The following WWOX variants were observed in gnomAD, a reference collection of about 807,000 sequenced individuals.
The protein encoded by WWOX is WW domain-containing oxidoreductase.
WWOX carries 69 observed loss-of-function variants against 46.2 expected under a neutral mutation model. That is an observed-to-expected ratio of 1.49 (90% CI 1.23 to 1.82). The LOEUF (loss-of-function observed/expected upper bound fraction) is 1.82. WWOX is among the 40% of genes most tolerant of loss of function. The probability of loss-of-function intolerance (pLI) is 0.00; values close to 1 mark genes in which losing one functional copy is unlikely to be tolerated. For missense variants in WWOX, 919 were observed against 542.6 expected, an observed-to-expected ratio of 1.69 and a Z score of -6.89; for synonymous variants, 359 against 202.6, an observed-to-expected ratio of 1.77 and a Z score of -6.56.
chr16:78,406,623 T>A (rs1009532870), intron 6 of WWOX, among the ~76,000 whole-genome samples: 8 of 145,338 alleles, frequency 5.5e-5, no homozygotes, highest in African/African-American at 2.1e-4. Context: ...TGCTGGGATA[T>A]ACATTTTTTT....
At position 78,338,437 on chromosome 16, in the gene WWOX, G is replaced by C. The variant is rs192122765; in HGVS notation, c.517-48423G>C. On this transcript the variant is annotated intron_variant, in intron 5 of 8. Transcript: ENST00000566780. ...TCTGTTTATTTTTTTTGCCCTTTTG[G>C]GGGACAAAATGTCTTTATGTTAAAT... Among the ~76,000 whole-genome samples, 67 of 120,568 alleles carry C rather than the reference G, an allele frequency of 5.6e-4. 3 individuals carry two copies. The East Asian group carries it at 0.012, about 22-fold the overall frequency. 79.1% of individuals were successfully genotyped at this position (120,568 alleles called of 152,430 possible). A position where few individuals can be genotyped will look rare whatever the true frequency, so the allele number is the denominator to read the frequency against.
chr16:78,673,190 G>C (rs1208299479), intron 8 of WWOX, among the ~76,000 whole-genome samples: 1 of 152,202 alleles, frequency 6.6e-6, no homozygotes, highest in Non-Finnish European at 1.5e-5. Context: ...TGTGAGGTGA[G>C]ATCAGTAGAA....
intron 5 of WWOX, among the ~76,000 whole-genome samples, chr16:78,384,937 C>T (rs1244120201): frequency 6.6e-6 from 1 of 152,098 alleles, no homozygotes; most frequent in Non-Finnish European, 1.5e-5. Flanking sequence ...AGATTGAGAC[C>T]ATCCTGGCCA....
chr16:78,768,758 A>T (rs1407014180), intron 8 of WWOX, among the ~76,000 whole-genome samples: 1 of 152,102 alleles, frequency 6.6e-6, no homozygotes, highest in African/African-American at 2.4e-5. Flanking sequence ...TGAAATGCTC[A>T]TTTCACAGCT....
intron 8 of WWOX, among the ~76,000 whole-genome samples, chr16:79,061,774 A>ATGTT (rs2048361621): frequency 2.0e-5 from 3 of 152,200 alleles, no homozygotes; most frequent in Non-Finnish European, 4.4e-5. Context: ...TAACAGCAAT[A>ATGTT]CTGATCATAG....
At chr16:78,593,713 T>G (rs117718959) in intron 8 of WWOX, among the ~76,000 whole-genome samples, 3,884 of 139,142 alleles carry the variant, frequency 0.028, 78 homozygotes, top group Middle Eastern at 0.074. Context: ...AGAGGAAAAC[T>G]GCCTGTTGTA....
At chr16:78,369,474 A>G (rs1337841256) in intron 5 of WWOX, among the ~76,000 whole-genome samples, 2 of 152,158 alleles carry the variant, frequency 1.3e-5, no homozygotes, top group Non-Finnish European at 2.9e-5. Flanking sequence ...GTATGCAGCA[A>G]CTGGTAGGGT....
chr16:79,020,638 G>A (rs1196166390), intron 8 of WWOX, among the ~76,000 whole-genome samples: 1 of 152,166 alleles, frequency 6.6e-6, no homozygotes, highest in East Asian at 1.9e-4. Context: ...GATGGGGAAG[G>A]GGACATTTCA....
At position 79,056,551 on chromosome 16, in the gene WWOX, TA is replaced by T. The variant is rs572714826; in HGVS notation, c.1057-155055del. 4.5e-3 allele frequency among the ~76,000 whole-genome samples: 678 copies of T among 152,340 alleles called. 4 individuals are homozygous for T. The highest frequency in any genetic ancestry group is 0.024 in the Middle Eastern group (7 of 294). On this transcript the variant is annotated intron_variant, in intron 8 of 8. Coordinates refer to ENST00000566780, the MANE Select transcript of WWOX (RefSeq NM_016373.4). The stretch of plus-strand genomic sequence containing the variant: ...GGCACTGCCAACATGTGGGGTTGGA[TA>T]ATTTTTTGTTGGGATCTGCCCTGTG...
intron 8 of WWOX, among the ~76,000 whole-genome samples, chr16:78,968,133 CCG>C (rs2046399204): frequency 0.018 from 136 of 7,354 alleles, no homozygotes; most frequent in Non-Finnish European, 0.059. Flanking sequence ...AGCGCGTGGT[CCG>C]TGTGGCACAG....
chr16:78,511,913 T>C (rs767433989), intron 8 of WWOX, among the ~76,000 whole-genome samples: 1 of 152,222 alleles, frequency 6.6e-6, no homozygotes, highest in Non-Finnish European at 1.5e-5. Flanking sequence ...ACTGCTAAAA[T>C]ACCCAGCTAC....
chr16:78,866,531 C>G (rs996681886), intron 8 of WWOX, among the ~76,000 whole-genome samples: 2 of 152,000 alleles, frequency 1.3e-5, no homozygotes, highest in African/African-American at 4.8e-5. Flanking sequence ...AAGCTATGAG[C>G]TATCGATAAA....
At chr16:78,915,930 AC>A (rs2045240538) in intron 8 of WWOX, among the ~76,000 whole-genome samples, 5 of 152,258 alleles carry the variant, frequency 3.3e-5, no homozygotes, top group African/African-American at 9.6e-5. Context: ...CACACAAAAC[AC>A]CCCAAGCTCA....
At chr16:78,357,805 C>T (rs764772516) in intron 5 of WWOX, among the ~76,000 whole-genome samples, 10 of 152,260 alleles carry the variant, frequency 6.6e-5, no homozygotes, top group Non-Finnish European at 1.2e-4. Flanking sequence ...CCATTTCACC[C>T]GATCCCTGGG....
At chr16:78,957,833 C>T (rs1460476924) in intron 8 of WWOX, among the ~76,000 whole-genome samples, 3 of 152,192 alleles carry the variant, frequency 2.0e-5, no homozygotes, top group East Asian at 1.9e-4. Flanking sequence ...GTGCGGCTGG[C>T]CCACTTGTGC....
chr16:78,816,573 C>T lies in WWOX; in HGVS notation c.1056+383821C>T, dbSNP rs557777087. Among the ~76,000 whole-genome samples the T allele has an allele frequency of 4.6e-5, 6 of 131,410 alleles. No homozygotes were observed. The South Asian group carries it at 7.2e-4, about 16-fold the overall frequency. The allele number at this position is 131,410 out of a possible 152,430, so 86.2% of individuals were successfully genotyped here. A position where few individuals can be genotyped will look rare whatever the true frequency, so the allele number is the denominator to read the frequency against. On this transcript the variant is annotated intron_variant, in intron 8 of 8. Coordinates refer to ENST00000566780, the MANE Select transcript of WWOX (RefSeq NM_016373.4). ...AATGTTTCTTCCACAAAAGCCTGGC[C>T]GTTTGTCTTTAAAAATTTTCATCTT...
At chr16:78,336,549 CAG>C (rs1476154602) in intron 5 of WWOX, among the ~76,000 whole-genome samples, 2 of 136,994 alleles carry the variant, frequency 1.5e-5, no homozygotes, top group African/African-American at 2.7e-5. Context: ...AGGCAGATAA[CAG>C]AGGGAGCAAA....
At chr16:78,631,190 T>A (rs998548481) in intron 8 of WWOX, among the ~76,000 whole-genome samples, 3 of 152,208 alleles carry the variant, frequency 2.0e-5, no homozygotes, top group African/African-American at 7.2e-5. Context: ...CAGTCCCCTT[T>A]GGATACTGAG....
intron 8 of WWOX, among the ~76,000 whole-genome samples, chr16:79,156,335 G>A (rs897443013): frequency 2.6e-5 from 4 of 152,152 alleles, no homozygotes; most frequent in African/African-American, 9.7e-5. Flanking sequence ...TAATTTTTGT[G>A]CATTTTGTAG....
Sources: gnomAD v4.1 joint callset for allele counts (sites outside exome capture counted in the v4.1 genomes callset) on GRCh38, gnomAD v4.1.1 for gene constraint, MANE v1.5 for transcripts, NCBI Gene and HGNC (gene_info 2026-07-23, HGNC 2026-07-21) for gene names.